The following ACER3 variants were observed in gnomAD, a reference collection of about 807,000 sequenced individuals.
ACER3 encodes the protein alkCDase 3.
In ACER3, 16 loss-of-function variants were observed where a neutral mutation model predicts 48.9. That is an observed-to-expected ratio of 0.33 (90% CI 0.22 to 0.50). ACER3 has a LOEUF of 0.50. Ranked by LOEUF, ACER3 falls within the 20% of genes least tolerant of loss-of-function variation. The probability of loss-of-function intolerance (pLI) is 0.98; values close to 1 mark genes in which losing one functional copy is unlikely to be tolerated. For synonymous variants in ACER3, 109 were observed against 107.8 expected (o/e 1.01, Z -0.07); for missense variants, 227 against 326.0 (o/e 0.70, Z 2.34).
intron 9 of ACER3, among the ~76,000 whole-genome samples, chr11:77,018,961 CAG>C (rs550707090): frequency 6.6e-6 from 1 of 152,206 alleles, no homozygotes; most frequent in African/African-American, 2.4e-5. Context: ...CACTAAACAA[CAG>C]AGTTTCAGTG....
intron 1 of ACER3, among the ~76,000 whole-genome samples, chr11:76,922,464 T>C (rs1325005239): frequency 3.9e-5 from 6 of 152,180 alleles, no homozygotes; most frequent in Non-Finnish European, 8.8e-5. Flanking sequence ...TTAAAACTAT[T>C]GATAACTGCT....
intron 1 of ACER3, chr11:76,868,061 G>A (rs1945141157): frequency 1.3e-5 from 16 of 1,255,270 alleles, no homozygotes; most frequent in Non-Finnish European, 1.6e-5. Flanking sequence ...GGTATGCCAT[G>A]AAAGGCATTT....
In ACER3 at chr11:76,864,596, A is replaced by ATT. The variant is rs772026324; in HGVS notation, c.103+3537_103+3538dup. Among the ~76,000 whole-genome samples, 113 of 99,930 alleles carry ATT rather than the reference A, an allele frequency of 1.1e-3. 4 individuals are homozygous for ATT. The highest frequency in any genetic ancestry group is 4.0e-3 in the East Asian group (13 of 3,234). The allele number at this position is 99,930 out of a possible 152,430, so 65.6% of individuals were successfully genotyped here. A position where few individuals can be genotyped will look rare whatever the true frequency, so the allele number is the denominator to read the frequency against. ...ACATAACTCATAATATGGAATGGGT[A>ATT]TTTTTTTTTTTTTTTTTTTTTGAGG... On this transcript the variant is annotated intron_variant, in intron 1 of 10. Coordinates refer to ENST00000532485, the MANE Select transcript of ACER3 (RefSeq NM_018367.7).
Position 76,998,795 on chromosome 11 carries a change from A to C in ACER3, c.471A>C (p.Val157=). Residue 157 remains valine (V), a synonymous_variant, in exon 7 of 11, where the codon GTA becomes GTC. Transcript: ENST00000532485. ...ATGGAATGTTGGTCTTTACATTAGT[A>C]CTTCGATCTATTTATATTGTTACAT... ...VMYGMLVFTL[V]LRSIYIVTWV... 6.3e-7 allele frequency: 1 copy of C among 1,597,940 alleles called. No homozygotes were observed. The highest frequency in any genetic ancestry group is 8.5e-7 in the Non-Finnish European group (1 of 1,174,044).
At chr11:76,912,920 C>T (rs1203355039) in intron 1 of ACER3, among the ~76,000 whole-genome samples, 3 of 151,624 alleles carry the variant, frequency 2.0e-5, no homozygotes, top group Middle Eastern at 3.2e-3. Flanking sequence ...GAGGGCCATA[C>T]AGCAGAAAAA....
At chr11:77,014,928 A>G (rs980158782) in intron 7 of ACER3, 88 bp from the exon 8 acceptor site, 2 of 800,350 alleles carry the variant, frequency 2.5e-6, no homozygotes, top group South Asian at 3.0e-5. Context: ...CAGCCCTTAT[A>G]AAAAAGGAAG....
chr11:77,019,493 G>A, intron 9 of ACER3: 1 of 514,530 alleles, frequency 1.9e-6, no homozygotes, highest in Non-Finnish European at 3.5e-6. Context: ...TACTCTGCTT[G>A]TGCTCTATAA....
chr11:77,007,174 C>T (rs1949169365), intron 7 of ACER3, among the ~76,000 whole-genome samples: 1 of 149,636 alleles, frequency 6.7e-6, no homozygotes, highest in African/African-American at 2.4e-5. Flanking sequence ...CTTCTTGAAT[C>T]TGTGTGTTTG....
intron 3 of ACER3, among the ~76,000 whole-genome samples, chr11:76,975,022 T>C (rs114744120): frequency 1.6e-3 from 245 of 152,354 alleles, no homozygotes; most frequent in African/African-American, 5.7e-3. Context: ...GCACAAATGC[T>C]ATTATTTTCA....
intron 4 of ACER3, among the ~76,000 whole-genome samples, chr11:76,976,788 C>G (rs533299548): frequency 1.3e-5 from 2 of 152,262 alleles, no homozygotes; most frequent in South Asian, 4.1e-4. Flanking sequence ...TAAATAGATA[C>G]TTGCTTTCTT....
At chr11:76,927,784 T>C (rs1283791561) in intron 2 of ACER3, among the ~76,000 whole-genome samples, 1 of 152,198 alleles carries the variant, frequency 6.6e-6, no homozygotes, top group African/African-American at 2.4e-5. Context: ...ACAAAGGACA[T>C]GAACTCATCC....
At chr11:76,894,848 G>A (rs1420465182) in intron 1 of ACER3, among the ~76,000 whole-genome samples, 1 of 152,144 alleles carries the variant, frequency 6.6e-6, no homozygotes, top group East Asian at 1.9e-4. Context: ...GGGTATGCAA[G>A]ATAATCAAGG....
At chr11:77,001,993 G>A (rs1949041929) in intron 7 of ACER3, among the ~76,000 whole-genome samples, 1 of 152,146 alleles carries the variant, frequency 6.6e-6, no homozygotes, top group Admixed American at 6.5e-5. Flanking sequence ...AGAGAACACA[G>A]AGAGAAGGTG....
intron 1 of ACER3, among the ~76,000 whole-genome samples, chr11:76,892,681 G>T (rs911336174): frequency 6.6e-6 from 1 of 152,078 alleles, no homozygotes; most frequent in African/African-American, 2.4e-5. Context: ...AGAGATTTGG[G>T]AATTTTTTTT....
chr11:76,875,326 C>A (rs1178782354), intron 1 of ACER3, among the ~76,000 whole-genome samples: 2 of 151,770 alleles, frequency 1.3e-5, no homozygotes, highest in African/African-American at 4.8e-5. Flanking sequence ...GTTGGCCAGA[C>A]TGGTCTCGAT....
intron 2 of ACER3, among the ~76,000 whole-genome samples, chr11:76,944,279 T>C (rs1212970766): frequency 6.6e-6 from 1 of 152,168 alleles, no homozygotes; most frequent in Non-Finnish European, 1.5e-5. Context: ...TCCTCCTTTG[T>C]GCAATTGTTT....
intron 7 of ACER3, among the ~76,000 whole-genome samples, chr11:77,002,819 T>C (rs1949060625): frequency 6.6e-6 from 1 of 152,212 alleles, no homozygotes; most frequent in Admixed American, 6.5e-5. Context: ...TATAAGACAT[T>C]AGGCTAAGTG....
At chr11:76,884,930 A>AT (rs1466487130) in intron 1 of ACER3, among the ~76,000 whole-genome samples, 2 of 151,464 alleles carry the variant, frequency 1.3e-5, no homozygotes, top group Admixed American at 1.3e-4. Context: ...TGCCCAGCTA[A>AT]TTTTTTTGTA....
At chr11:76,974,325 A>G (rs921772126) in intron 3 of ACER3, among the ~76,000 whole-genome samples, 1 of 152,228 alleles carries the variant, frequency 6.6e-6, no homozygotes, top group Non-Finnish European at 1.5e-5. Context: ...ATAGGGCTTG[A>G]TGCCATATGG....
Sources: allele counts gnomAD v4.1 joint callset (sites outside exome capture counted in the v4.1 genomes callset), GRCh38; gene constraint gnomAD v4.1.1; transcripts MANE v1.5; gene names NCBI Gene and HGNC (gene_info 2026-07-23, HGNC 2026-07-21).